Variants in DSP observed in about 807,000 individuals in gnomAD.
DSP encodes the protein 250/210 kDa paraneoplastic pemphigus antigen.
A neutral mutation model predicts 290.6 loss-of-function variants in DSP; 114 were observed. That is an observed-to-expected ratio of 0.39 (90% CI 0.34 to 0.46). The LOEUF is 0.46. Among genes scored for constraint, DSP ranks in the 20% least tolerant of loss-of-function variants. The probability of loss-of-function intolerance (pLI) is 0.99; values close to 1 mark genes in which losing one functional copy is unlikely to be tolerated. For synonymous variants in DSP, 1,311 were observed against 1,316.4 expected (o/e 1.00, Z 0.09); for missense variants, 3,230 against 3,495.8 (o/e 0.92, Z 1.92).
rs1438578909 is a variant in DSP at position 7,580,627 on chromosome 6, A to C, written c.4437A>C (p.Lys1479Asn). 1.2e-6 allele frequency: 2 copies of C among 1,614,154 alleles called. No homozygotes were observed. Among genetic ancestry groups the C allele is most frequent in the East Asian group, 4.5e-5 (2 of 44,884 alleles). Residue 1479 changes from lysine to asparagine, a missense_variant, in exon 23 of 24, where the codon AAA becomes AAC. Lys to Asn is a moderately conservative substitution (Grantham distance 94). Coordinates refer to ENST00000379802, the MANE Select transcript of DSP (RefSeq NM_004415.4). This position sits in a 1 kb window ranked among gnomAD's most constrained non-coding sequence, Gnocchi z 4.2. ...ATGCTGCCAAAACCATCCAGGATAA[A>C]AACAAGGAGATAGAAAGGTTAAAAC... ...LDDAAKTIQDKNKEIERLKQL... is the reference protein window; with the variant it reads ...LDDAAKTIQDNNKEIERLKQL...
In DSP at chr6:7,583,700, T is replaced by A. The variant is rs1227519963; in HGVS notation, c.6438T>A (p.Asp2146Glu). The A allele has an allele frequency of 6.2e-7, 1 of 1,614,118 alleles. No homozygotes were observed. Among genetic ancestry groups the A allele is most frequent in the East Asian group, 2.2e-5 (1 of 44,868 alleles). The change falls in exon 24 of 24, where the codon GAT (aspartate) becomes GAA (glutamate). Residue 2146 changes from aspartate (D) to glutamate (E), a missense_variant. This residue lies in a region of DSP where 1,714 missense variants were observed against 1,844.5 expected (regional missense o/e 0.93). Coordinates refer to ENST00000379802, the MANE Select transcript of DSP (RefSeq NM_004415.4). The surrounding 1 kb of genome is among the most constrained non-coding windows in gnomAD (Gnocchi z 4.0). The stretch of plus-strand genomic sequence containing the variant: ...TGAACAGTGTCTTTTTGCCAAAAGA[T>A]GTCGCCTTGGCCCGGGGGCTGATTG... ...DPVNSVFLPK[D>E]VALARGLIDR...
At position 7,581,378 on chromosome 6, in the gene DSP, G is replaced by C. The variant is rs794727382; in HGVS notation, c.5188G>C (p.Glu1730Gln). The change falls in exon 23 of 24, where the codon GAG (glutamate) becomes CAG (glutamine). Residue 1730 changes from glutamate (E) to glutamine (Q), a missense_variant. This residue lies in a region of DSP where 1,714 missense variants were observed against 1,844.5 expected (regional missense o/e 0.93). Transcript: ENST00000379802. The stretch of plus-strand genomic sequence containing the variant: ...AGAAGAACTGCGGAACCTGAGGCTG[G>C]AGTACGATGACCTGAGGAGAGGACG... ...LEEELRNLRLEYDDLRRGRSE... is the reference protein window; with the variant it reads ...LEEELRNLRLQYDDLRRGRSE... 1 of 1,614,200 alleles carries C rather than the reference G, an allele frequency of 6.2e-7. No homozygotes were observed. The highest frequency in any genetic ancestry group is 2.2e-5 in the East Asian group (1 of 44,886).
chr6:7,561,290 G>C (rs764490228), intron 4 of DSP, among the ~76,000 whole-genome samples: 2 of 152,134 alleles, frequency 1.3e-5, no homozygotes, highest in Non-Finnish European at 2.9e-5. Flanking sequence ...ATTGATAAGC[G>C]ATGCTTTCCG....
In DSP at chr6:7,574,079, T is replaced by C. The variant is rs759911362; in HGVS notation, c.2131-7T>C. On this transcript the variant is annotated splice_polypyrimidine_tract_variant and splice_region_variant and intron_variant, in intron 15 of 23. Coordinates refer to ENST00000379802, the MANE Select transcript of DSP (RefSeq NM_004415.4). ...AAATCAAAAGAGCTTTCCTTCATTT[T>C]TGACAGAGTGTGCAGAATGATTCAC... 9.9e-6 allele frequency: 16 copies of C among 1,613,948 alleles called. No individual in the cohort carries two copies. In the Middle Eastern group the frequency reaches 1.2e-3, roughly 116 times the overall value.
intron 17 of DSP, 116 bp downstream of exon 17, chr6:7,574,911 G>A: frequency 7.2e-7 from 1 of 1,387,268 alleles, no homozygotes; most frequent in East Asian, 2.3e-5. Flanking sequence ...GGGTTTCAGT[G>A]GCCACACAGG....
rs1439195112 is a variant in DSP at position 7,555,829 on chromosome 6, T to C, written c.273+9T>C. 13 of 1,612,792 alleles carry C rather than the reference T, an allele frequency of 8.1e-6. No homozygotes were observed. The highest frequency in any genetic ancestry group is 1.0e-5 in the Non-Finnish European group (12 of 1,179,480). The stretch of plus-strand genomic sequence containing the variant: ...AGCTCATCGTGCAGCCTGTAAGCTT[T>C]CCCTGTTCCCATCGCTTCTCCCAAA... On this transcript the variant is annotated intron_variant, in intron 2 of 23. Coordinates refer to ENST00000379802, the MANE Select transcript of DSP (RefSeq NM_004415.4).
At chr6:7,564,472 T>C (rs1389991724) in intron 6 of DSP, among the ~76,000 whole-genome samples, 1 of 152,216 alleles carries the variant, frequency 6.6e-6, no homozygotes, top group African/African-American at 2.4e-5. Flanking sequence ...GTGTGACTTA[T>C]GGCACTTTGA....
At chr6:7,561,919 C>T (rs1223249495) in intron 4 of DSP, among the ~76,000 whole-genome samples, 1 of 152,190 alleles carries the variant, frequency 6.6e-6, no homozygotes, top group Non-Finnish European at 1.5e-5. Context: ...CAGTGTGGAA[C>T]TGGCGGAACA....
Position 7,585,471 on chromosome 6 carries a change from G to C in DSP, c.8209G>C (p.Val2737Leu), listed in dbSNP as rs149123428. The C allele has an allele frequency of 3.7e-6, 6 of 1,614,070 alleles. No individual in the cohort carries two copies. The African/African-American group carries it at 8.0e-5, about 22-fold the overall frequency. The change falls in exon 24 of 24, where the codon GTT becomes CTT. Residue 2737 changes from valine to leucine, a missense_variant. By Grantham distance (32) the Val-to-Leu change is conservative (BLOSUM62 1). This residue lies in a region of DSP where 582 missense variants were observed against 555.4 expected (regional missense o/e 1.05). Transcript: ENST00000379802. The part of the protein sequence containing the change: ...LEFQYLTGGL[V>L]DPEVHGRIST... Reference sequence around the variant, plus strand: ...GTTCCAGTACCTCACGGGAGGTCTTGTTGACCCGGAAGTGCATGGGAGGAT... The same window carrying C: ...GTTCCAGTACCTCACGGGAGGTCTTCTTGACCCGGAAGTGCATGGGAGGAT...
chr6:7,558,507 CTTTT>C (rs145193988), intron 3 of DSP, among the ~76,000 whole-genome samples: 85 of 104,554 alleles, frequency 8.1e-4, no homozygotes, highest in Admixed American at 1.4e-3. Context: ...TGGCATTTGA[CTTTT>C]TTTTTTTTTT....
intron 1 of DSP, among the ~76,000 whole-genome samples, chr6:7,549,243 A>G (rs1758262330): frequency 6.6e-6 from 1 of 151,846 alleles, no homozygotes; most frequent in African/African-American, 2.4e-5. Context: ...TCCACCTCCC[A>G]GGTTCAAGCG....
chr6:7,566,532 A>G (rs1337939345), intron 8 of DSP, 51 bp downstream of exon 8: 1 of 1,412,176 alleles, frequency 7.1e-7, no homozygotes, highest in Non-Finnish European at 9.9e-7. Context: ...AACTTTTCAT[A>G]AAGTAAGACT....
chr6:7,576,508 T>G (rs1176533136), intron 19 of DSP, 52 bp downstream of exon 19: 1 of 1,607,524 alleles, frequency 6.2e-7, no homozygotes, highest in Non-Finnish European at 8.5e-7. Context: ...TTGGGTGTAA[T>G]TCATGTTTTC....
At position 7,574,715 on chromosome 6, in the gene DSP, G is replaced by A. The variant is rs766567299; in HGVS notation, c.2356G>A (p.Val786Ile). Residue 786 changes from valine to isoleucine, a missense_variant, in exon 17 of 24, where the codon GTT becomes ATT. Coordinates refer to ENST00000379802, the MANE Select transcript of DSP (RefSeq NM_004415.4). ...AILQTEDMLK[V>I]YEARLTEEET... ...TCTCCAAACAGAAGACATGTTAAAGGTTTATGAAGCCAGGCTCACTGAGGA... is the reference window on the plus strand; with the variant it reads ...TCTCCAAACAGAAGACATGTTAAAGATTTATGAAGCCAGGCTCACTGAGGA... 8.1e-6 allele frequency: 13 copies of A among 1,614,044 alleles called. No homozygotes were observed. The highest frequency in any genetic ancestry group is 1.1e-5 in the Non-Finnish European group (13 of 1,180,032).
Position 7,541,867 on chromosome 6 carries a change from G to C in DSP, c.-49G>C. ...CCCTCCGCTTTCTCCGCGCCGGCCC[G>C]CCTCGCTTATGCCTCGGCGCTGAGC... On this transcript the variant is annotated 5_prime_UTR_variant, in exon 1 of 24. Coordinates refer to ENST00000379802, the MANE Select transcript of DSP (RefSeq NM_004415.4). 6.4e-7 allele frequency: 1 copy of C among 1,569,364 alleles called. No homozygotes were observed.
At chr6:7,566,331 T>A in intron 7 of DSP, 46 bp from the exon 8 acceptor site, 1 of 1,517,934 alleles carries the variant, frequency 6.6e-7, no homozygotes, top group Non-Finnish European at 9.1e-7. Context: ...TGATGGAAGT[T>A]TAATGATGAC....
intron 21 of DSP, among the ~76,000 whole-genome samples, chr6:7,578,090 T>C (rs553596410): frequency 6.6e-6 from 1 of 152,340 alleles, no homozygotes; most frequent in African/African-American, 2.4e-5. Context: ...TATGATACAT[T>C]TTCAGAAATG....
At chr6:7,556,203 AT>A (rs900301035) in intron 2 of DSP, among the ~76,000 whole-genome samples, 11 of 150,222 alleles carry the variant, frequency 7.3e-5, no homozygotes, top group African/African-American at 1.5e-4. Context: ...ATTTAGTATG[AT>A]TTTTTTTTTC....
At chr6:7,562,391 A>G (rs1232316868) in intron 4 of DSP, among the ~76,000 whole-genome samples, 1 of 148,068 alleles carries the variant, frequency 6.8e-6, no homozygotes, top group African/African-American at 2.5e-5. Context: ...TTTTTTTCAG[A>G]AGACATGATC....
Sources: allele counts gnomAD v4.1 joint callset (sites outside exome capture counted in the v4.1 genomes callset), GRCh38; gene constraint gnomAD v4.1.1; regional missense constraint gnomAD v4.1.1; non-coding constraint Gnocchi (gnomAD v3.1); transcripts MANE v1.5; gene names NCBI Gene and HGNC (gene_info 2026-07-23, HGNC 2026-07-21).